The following BRF1 variants were observed in gnomAD, a reference collection of about 807,000 sequenced individuals.
The protein encoded by BRF1 is BRF1 general transcription factor IIIB subunit.
Under a neutral mutation model 81.7 loss-of-function variants are expected in BRF1, and 59 were observed. That is an observed-to-expected ratio of 0.72 (90% CI 0.59 to 0.90). The LOEUF (loss-of-function observed/expected upper bound fraction) is 0.90. Among genes scored for constraint, BRF1 ranks in the 40% least tolerant of loss-of-function variants. BRF1 has a pLI of 0.00. For synonymous variants in BRF1, 491 were observed against 395.6 expected, an observed-to-expected ratio of 1.24 and a Z score of -2.86; for missense variants, 1,050 against 936.3, an observed-to-expected ratio of 1.12 and a Z score of -1.58.
intron 3 of BRF1, among the ~76,000 whole-genome samples, chr14:105,267,194 C>G (rs2056454193): frequency 6.6e-6 from 1 of 152,270 alleles, no homozygotes; most frequent in African/African-American, 2.4e-5. Flanking sequence ...ATACAAAACT[C>G]AGCTAAACCT....
chr14:105,267,381 G>A (rs776473921), intron 3 of BRF1, among the ~76,000 whole-genome samples: 86 of 151,620 alleles, frequency 5.7e-4, no homozygotes, highest in Non-Finnish European at 8.7e-4. Context: ...ATGGCTCACT[G>A]CAGCCTCGAC....
At chr14:105,307,608 C>A (rs945758068) in intron 1 of BRF1, among the ~76,000 whole-genome samples, 1 of 152,170 alleles carries the variant, frequency 6.6e-6, no homozygotes, top group Non-Finnish European at 1.5e-5. Context: ...ATAGCCCTGT[C>A]CCCCCATGCA....
rs1479121773 is a variant in BRF1 at position 105,226,135 on chromosome 14, T to C, written c.982A>G (p.Ile328Val). Residue 328 changes from isoleucine to valine, a missense_variant, in exon 10 of 18, where the codon ATT becomes GTT. By Grantham distance (29) the Ile-to-Val change is conservative. Transcript: ENST00000547530. ...CGGCTGTTTTCTAGTTCAATCTCAA[T>C]TGCATCCTGGTAACTGGATATTTCA... is the stretch of plus-strand genomic sequence containing the variant. ...EGEISSYQDAIEIELENSRPK... is the reference protein window; with the variant it reads ...EGEISSYQDAVEIELENSRPK... 15 of 1,613,836 alleles carry C rather than the reference T, an allele frequency of 9.3e-6. No individual in the cohort carries two copies. The highest frequency in any genetic ancestry group is 1.3e-5 in the Non-Finnish European group (15 of 1,180,044).
At chr14:105,296,665 G>C (rs1012962584) in intron 1 of BRF1, among the ~76,000 whole-genome samples, 30 of 139,378 alleles carry the variant, frequency 2.2e-4, no homozygotes, top group East Asian at 2.1e-4. Flanking sequence ...TGGGCAACAA[G>C]AGCAAGACAC....
At chr14:105,266,274 C>T (rs1466586817) in intron 3 of BRF1, among the ~76,000 whole-genome samples, 1 of 151,252 alleles carries the variant, frequency 6.6e-6, no homozygotes, top group Non-Finnish European at 1.5e-5. Flanking sequence ...AGTGAGACCC[C>T]ATCTCTAGTG....
In BRF1 at chr14:105,221,730, C is replaced by G; in HGVS notation, c.1233G>C (p.Leu411=). The G allele has an allele frequency of 6.2e-7, 1 of 1,610,148 alleles. No homozygotes were observed. Among genetic ancestry groups the G allele is most frequent in the Non-Finnish European group, 8.5e-7 (1 of 1,179,400 alleles). ...WGGRPPALGS[L]LDPLPTAASL... ...TGGCTGCAGTGGGGAGGGGGTCCAG[C>G]AGGGACCCCAGGGCCGGAGGTCTGC... The change falls in exon 11 of 18, where the codon CTG becomes CTC. Residue 411 remains leucine, a synonymous_variant. Transcript: ENST00000547530.
chr14:105,213,361 C>A (rs370834737), intron 15 of BRF1: 1 of 151,846 alleles, frequency 6.6e-6, no homozygotes, highest in Non-Finnish European at 1.5e-5. Context: ...GCCAGCAGGC[C>A]CCCATTGAGA....
At chr14:105,293,941 A>G (rs1396258482) in intron 1 of BRF1, among the ~76,000 whole-genome samples, 1 of 152,244 alleles carries the variant, frequency 6.6e-6, no homozygotes, top group Admixed American at 6.5e-5. Context: ...TTGGGACTAG[A>G]AAACGACAGC....
chr14:105,227,004 C>T (rs1893213286), intron 7 of BRF1: 4 of 465,824 alleles, frequency 8.6e-6, no homozygotes, highest in Middle Eastern at 6.2e-4. Flanking sequence ...GTTTCTGCTA[C>T]TTGGGAGGCT....
At chr14:105,262,141 C>T (rs1383445343) in intron 3 of BRF1, among the ~76,000 whole-genome samples, 1 of 152,236 alleles carries the variant, frequency 6.6e-6, no homozygotes, top group Non-Finnish European at 1.5e-5. Context: ...CATCCTCAGG[C>T]CCCGCACATG....
At chr14:105,302,251 TGGA>T (rs2058061506), upstream of BRF1, among the ~76,000 whole-genome samples, 2 of 149,582 alleles carry the variant, frequency 1.3e-5, no homozygotes, top group African/African-American at 4.9e-5. Context: ...TTGCCCAGGC[TGGA>T]GTGCAGTGGT....
At position 105,217,307 on chromosome 14, in the gene BRF1, G is replaced by C. The variant is rs183055880; in HGVS notation, c.1772+237C>G. 7.9e-6 allele frequency: 5 copies of C among 629,934 alleles called. No homozygotes were observed. In the Admixed American group the frequency reaches 1.5e-4, roughly 19 times the overall value. 39.0% of individuals were successfully genotyped at this position (629,934 alleles called of 1,614,324 possible). A position where few individuals can be genotyped will look rare whatever the true frequency, so the allele number is the denominator to read the frequency against. On this transcript the variant is annotated intron_variant, in intron 15 of 17. Transcript: ENST00000547530. ...GGGACAAAACAGAGCCTAGGCTGCA[G>C]GACCCCCCTGACAGCTGGACCCGCC...
intron 12 of BRF1, chr14:105,219,612 C>T (rs778857986): frequency 8.8e-5 from 37 of 419,758 alleles, no homozygotes; most frequent in Non-Finnish European, 1.3e-4. Flanking sequence ...CACCACGTGG[C>T]CATGAAATCA....
intron 5 of BRF1, chr14:105,247,613 G>A: frequency 1.0e-6 from 1 of 985,422 alleles, no homozygotes; most frequent in Non-Finnish European, 1.2e-6. Context: ...CCTGTTCACT[G>A]TTTAGCCCAG....
At chr14:105,270,045 G>A (rs931076025) in intron 3 of BRF1, among the ~76,000 whole-genome samples, 3 of 152,202 alleles carry the variant, frequency 2.0e-5, no homozygotes, top group South Asian at 4.1e-4. Context: ...GCAGGGACGC[G>A]GGCGTGGGCT....
chr14:105,222,009 T>C (rs181712405), intron 10 of BRF1, 95 bp from the exon 11 acceptor site: 108 of 1,447,676 alleles, frequency 7.5e-5, no homozygotes, highest in Non-Finnish European at 8.2e-5. Context: ...AGGTAACCCA[T>C]AGAACGGCTG....
intron 5 of BRF1, among the ~76,000 whole-genome samples, chr14:105,251,354 C>T (rs1228001040): frequency 6.6e-6 from 1 of 152,188 alleles, no homozygotes; most frequent in African/African-American, 2.4e-5. Flanking sequence ...ACCCTATGAA[C>T]AGACTGTCGG....
At chr14:105,290,925 G>A (rs2057482015) in intron 1 of BRF1, among the ~76,000 whole-genome samples, 1 of 151,908 alleles carries the variant, frequency 6.6e-6, no homozygotes, top group Non-Finnish European at 1.5e-5. Flanking sequence ...CACACACACA[G>A]GACACATGTG....
At position 105,210,313 on chromosome 14, in the gene BRF1, A is replaced by G; in HGVS notation, c.*238T>C. The G allele has an allele frequency of 1.8e-6, 1 of 555,786 alleles. No individual in the cohort carries two copies. Among genetic ancestry groups the G allele is most frequent in the Non-Finnish European group, 3.2e-6 (1 of 309,066 alleles). 34.4% of individuals were successfully genotyped at this position (555,786 alleles called of 1,614,324 possible). A position where few individuals can be genotyped will look rare whatever the true frequency, so the allele number is the denominator to read the frequency against. On this transcript the variant is annotated 3_prime_UTR_variant, in exon 18 of 18. Transcript: ENST00000547530. The surrounding 1 kb of genome is among the most constrained non-coding windows in gnomAD (Gnocchi z 4.7). The stretch of plus-strand genomic sequence containing the variant: ...GGCAGGCAGCGGGACCCAGCCCTGC[A>G]CACACCCGGCCCACATCTGATCACA...
Sources: allele counts gnomAD v4.1 joint callset (sites outside exome capture counted in the v4.1 genomes callset), GRCh38; gene constraint gnomAD v4.1.1; non-coding constraint Gnocchi (gnomAD v3.1); transcripts MANE v1.5; gene names NCBI Gene and HGNC (gene_info 2026-07-23, HGNC 2026-07-21).